Variants in PGM2L1 observed in about 807,000 individuals in gnomAD.
PGM2L1 encodes the protein glucose 1,6-bisphosphate synthase.
Under a neutral mutation model 73.4 loss-of-function variants are expected in PGM2L1, and 35 were observed. That is an observed-to-expected ratio of 0.48 (90% CI 0.36 to 0.63). PGM2L1 has a LOEUF of 0.63. PGM2L1 is among the 30% of genes least tolerant of loss of function. PGM2L1 has a pLI of 0.00. For synonymous variants in PGM2L1, 225 were observed against 253.8 expected, an observed-to-expected ratio of 0.89 and a Z score of 1.08; for missense variants, 570 against 742.0, an observed-to-expected ratio of 0.77 and a Z score of 2.69.
In PGM2L1 at chr11:74,333,909, A is replaced by G. The variant is rs181165242; in HGVS notation, c.*2743T>C. On this transcript the variant is annotated 3_prime_UTR_variant, in exon 14 of 14. Coordinates refer to ENST00000298198, the MANE Select transcript of PGM2L1 (RefSeq NM_173582.6). Reference sequence around the variant, plus strand: ...ATTTTCACAATATTGTTCAAAAAGAAAAAGATAAACATTGTAGTGCCCGAG... The same window carrying G: ...ATTTTCACAATATTGTTCAAAAAGAGAAAGATAAACATTGTAGTGCCCGAG... 2 of 152,262 alleles carry G rather than the reference A, an allele frequency of 1.3e-5. No homozygotes were observed. The highest frequency in any genetic ancestry group is 3.9e-4 in the East Asian group (2 of 5,192). 9.4% of individuals were successfully genotyped at this position (152,262 alleles called of 1,614,324 possible).
chr11:74,353,358 T>TTTTAA (rs1862388354), intron 5 of PGM2L1, among the ~76,000 whole-genome samples: 1 of 152,030 alleles, frequency 6.6e-6, no homozygotes, highest in Non-Finnish European at 1.5e-5. Flanking sequence ...AAGTATTTAT[T>TTTTAA]GATCATTCTT....
At position 74,330,325 on chromosome 11, in the gene PGM2L1, A is replaced by G. The variant is rs1413525426; in HGVS notation, c.*6327T>C. ...TACACAGAAACTCATGCCTATGAAGAGACCTGTTTATTACTGATAACACTT... is the reference window on the plus strand; with the variant it reads ...TACACAGAAACTCATGCCTATGAAGGGACCTGTTTATTACTGATAACACTT... On this transcript the variant is annotated 3_prime_UTR_variant, in exon 14 of 14. Coordinates refer to ENST00000298198, the MANE Select transcript of PGM2L1 (RefSeq NM_173582.6). The G allele has an allele frequency of 1.3e-5, 2 of 152,664 alleles. No homozygotes were observed. Among genetic ancestry groups the G allele is most frequent in the Non-Finnish European group, 2.9e-5 (2 of 68,036 alleles). The allele number at this position is 152,664 out of a possible 1,614,324, so 9.5% of individuals were successfully genotyped here.
chr11:74,352,797 A>C (rs1049155653), intron 5 of PGM2L1, among the ~76,000 whole-genome samples: 15 of 152,246 alleles, frequency 9.9e-5, no homozygotes. Context: ...ATAATTAAAA[A>C]GCAGAATGAT....
At chr11:74,384,129 C>A (rs533872345) in intron 1 of PGM2L1, among the ~76,000 whole-genome samples, 120 of 151,862 alleles carry the variant, frequency 7.9e-4, no homozygotes, top group African/African-American at 2.6e-3. Context: ...TTTACTCCCC[C>A]ACTCCCCCCG....
chr11:74,358,820 C>T (rs532605954), intron 5 of PGM2L1, among the ~76,000 whole-genome samples: 9 of 152,216 alleles, frequency 5.9e-5, no homozygotes, highest in South Asian at 4.1e-4. Flanking sequence ...ACCTGGGAGG[C>T]GAAGGTTGCA....
intron 5 of PGM2L1, 53 bp from the exon 6 acceptor site, chr11:74,351,629 T>C: frequency 6.9e-7 from 1 of 1,446,778 alleles, no homozygotes; most frequent in Non-Finnish European, 9.4e-7. Context: ...GCCAGATCTT[T>C]TCTTGTCTAT....
intron 6 of PGM2L1, 104 bp downstream of exon 6, chr11:74,351,279 T>C (rs1040630781): frequency 6.7e-5 from 75 of 1,124,662 alleles, no homozygotes; most frequent in Non-Finnish European, 9.2e-5. Flanking sequence ...TATTTAGCTA[T>C]AATTTTAATC....
intron 5 of PGM2L1, among the ~76,000 whole-genome samples, chr11:74,352,452 A>G (rs1400256812): frequency 6.6e-6 from 1 of 152,238 alleles, no homozygotes; most frequent in Non-Finnish European, 1.5e-5. Flanking sequence ...AGCCTGATCA[A>G]TAAGACATTA....
intron 5 of PGM2L1, among the ~76,000 whole-genome samples, chr11:74,360,202 C>T (rs1862534507): frequency 6.6e-6 from 1 of 150,930 alleles, no homozygotes; most frequent in Admixed American, 6.6e-5. Context: ...TGCACTCCAG[C>T]CTTGGTGACA....
intron 1 of PGM2L1, among the ~76,000 whole-genome samples, chr11:74,382,954 T>C (rs1023743179): frequency 3.3e-5 from 5 of 152,318 alleles, no homozygotes; most frequent in East Asian, 1.9e-4. Context: ...AAACACAATC[T>C]GCTACAGAGG....
Position 74,342,447 on chromosome 11 carries a change from A to G in PGM2L1, c.1632+14T>C, listed in dbSNP as rs542528424. On this transcript the variant is annotated intron_variant, in intron 12 of 13. Coordinates refer to ENST00000298198, the MANE Select transcript of PGM2L1 (RefSeq NM_173582.6). ...AATTTTCTAAATTGTTTGGAAAAAAAAAAAGGTACTTACTGATTTCTTATT... is the reference window on the plus strand; with the variant it reads ...AATTTTCTAAATTGTTTGGAAAAAAGAAAAGGTACTTACTGATTTCTTATT... 2.1e-5 allele frequency: 30 copies of G among 1,400,674 alleles called. No individual in the cohort carries two copies. The East Asian group carries it at 7.6e-4, about 36-fold the overall frequency. 86.8% of individuals were successfully genotyped at this position (1,400,674 alleles called of 1,614,324 possible).
rs1263746860 is a variant in PGM2L1 at position 74,371,815 on chromosome 11, C to G, written c.282G>C (p.Gly94=). The G allele has an allele frequency of 1.2e-6, 2 of 1,607,744 alleles. No individual in the cohort carries two copies. Among genetic ancestry groups the G allele is most frequent in the South Asian group, 2.2e-5 (2 of 90,950 alleles). The change falls in exon 3 of 14, where the codon GGG becomes GGC. Residue 94 remains glycine, a splice_region_variant and synonymous_variant. Coordinates refer to ENST00000298198, the MANE Select transcript of PGM2L1 (RefSeq NM_173582.6). ...AACATCTCTCAAGGTATTTGTACATCCCCTGAAGCAAATAAACACAAAAGA... is the reference window on the plus strand; with the variant it reads ...AACATCTCTCAAGGTATTTGTACATGCCCTGAAGCAAATAAACACAAAAGA... ...NDLTVIQSTQ[G]MYKYLERCFS... is the part of the protein sequence containing the mutation.
chr11:74,334,361 A>G lies in PGM2L1; in HGVS notation c.*2291T>C, dbSNP rs983402745. The G allele has an allele frequency of 6.6e-6, 1 of 152,214 alleles. No homozygotes were observed. The highest frequency in any genetic ancestry group is 1.5e-5 in the Non-Finnish European group (1 of 68,046). 9.4% of individuals were successfully genotyped at this position (152,214 alleles called of 1,614,324 possible). The stretch of plus-strand genomic sequence containing the variant: ...TTTTTCATATATACAACATTATACC[A>G]CTTTGCAGAATATATGCCATTTCCT... On this transcript the variant is annotated 3_prime_UTR_variant, in exon 14 of 14. Coordinates refer to ENST00000298198, the MANE Select transcript of PGM2L1 (RefSeq NM_173582.6).
chr11:74,347,531 C>G (rs913287225), intron 6 of PGM2L1, among the ~76,000 whole-genome samples, 194 bp from the exon 7 acceptor site: 1 of 152,172 alleles, frequency 6.6e-6, no homozygotes, highest in Non-Finnish European at 1.5e-5. Flanking sequence ...AGCATTCTCC[C>G]TTTGTGGCTC....
At chr11:74,397,376 G>A (rs1863192189) in intron 1 of PGM2L1, among the ~76,000 whole-genome samples, 1 of 152,090 alleles carries the variant, frequency 6.6e-6, no homozygotes, top group Non-Finnish European at 1.5e-5. Flanking sequence ...GGGTGGGGAG[G>A]TGTTGGTAGA....
At position 74,345,523 on chromosome 11, in the gene PGM2L1, T is replaced by A; in HGVS notation, c.1164A>T (p.Thr388=). ...DVKNVYMLAT[T]VSSKILKAIA... ...TTGCCTTCAGAATTTTAGAAGAGAC[T>A]GTGGTGGCTAACATATAAACGTTCT... The change falls in exon 9 of 14, where the codon ACA becomes ACT. Residue 388 remains threonine (T), a synonymous_variant. Transcript: ENST00000298198. 1 of 1,613,452 alleles carries A rather than the reference T, an allele frequency of 6.2e-7. No individual in the cohort carries two copies. The highest frequency in any genetic ancestry group is 8.5e-7 in the Non-Finnish European group (1 of 1,179,516).
intron 12 of PGM2L1, among the ~76,000 whole-genome samples, chr11:74,341,355 C>T (rs1862179023): frequency 6.6e-6 from 1 of 152,168 alleles, no homozygotes; most frequent in Non-Finnish European, 1.5e-5. Context: ...TTCTTGACTT[C>T]ACACAGGAAA....
At position 74,336,615 on chromosome 11, in the gene PGM2L1, A is replaced by G. The variant is rs185001330; in HGVS notation, c.*37T>C. The G allele has an allele frequency of 4.2e-6, 6 of 1,442,468 alleles. No individual in the cohort carries two copies. Among genetic ancestry groups the G allele is most frequent in the East Asian group, 2.3e-5 (1 of 43,260 alleles). 89.4% of individuals were successfully genotyped at this position (1,442,468 alleles called of 1,614,324 possible). ...ATGCAGTTCTCGGTTGCTCTGTTCC[A>G]TATGCCCACACAGTGTCATGACATA... On this transcript the variant is annotated 3_prime_UTR_variant, in exon 14 of 14. Coordinates refer to ENST00000298198, the MANE Select transcript of PGM2L1 (RefSeq NM_173582.6).
At chr11:74,368,466 G>A in intron 5 of PGM2L1, 26 bp downstream of exon 5, 11 of 1,562,570 alleles carry the variant, frequency 7.0e-6, no homozygotes, top group Non-Finnish European at 9.7e-6. Context: ...TATAAGATAA[G>A]CAAAGGTCAG....
Sources: allele counts gnomAD v4.1 joint callset (sites outside exome capture counted in the v4.1 genomes callset), GRCh38; gene constraint gnomAD v4.1.1; transcripts MANE v1.5; gene names NCBI Gene and HGNC (gene_info 2026-07-23, HGNC 2026-07-21).